Variants in SLIT1 observed in about 807,000 individuals in gnomAD.
The protein encoded by SLIT1 is slit guidance ligand 1, also known as slit homolog 1 protein.
Under a neutral mutation model 186.1 loss-of-function variants are expected in SLIT1, and 66 were observed. That is an observed-to-expected ratio of 0.35 (90% confidence interval 0.29 to 0.44). The LOEUF is 0.44. SLIT1 is among the 20% of genes least tolerant of loss of function. The pLI is 1.00. For missense variants in SLIT1, 1,638 were observed against 2,037.4 expected, an observed-to-expected ratio of 0.80 and a Z score of 3.77; for synonymous variants, 761 against 833.8, an observed-to-expected ratio of 0.91 and a Z score of 1.50.
chr10:97,006,749 G>A lies in SLIT1; in HGVS notation c.3342-29C>T, dbSNP rs1012852394. The A allele has an allele frequency of 6.3e-5, 95 of 1,506,966 alleles. No individual in the cohort carries two copies. Among genetic ancestry groups the A allele is most frequent in the Non-Finnish European group, 8.5e-5 (92 of 1,084,412 alleles). The allele number at this position is 1,506,966 out of a possible 1,614,324, so 93.3% of individuals were successfully genotyped here. A position where few individuals can be genotyped will look rare whatever the true frequency, so the allele number is the denominator to read the frequency against. On this transcript the variant is annotated intron_variant, in intron 31 of 36. Transcript: ENST00000266058. The surrounding 1 kb of genome is among the most constrained non-coding windows in gnomAD (Gnocchi z 4.0). Reference sequence around the variant, plus strand: ...AGAGGAAAGGACATAAGTCAGAGAGGGCCAAGGAGGAAGGGAGTATCTTCC... The same window carrying A: ...AGAGGAAAGGACATAAGTCAGAGAGAGCCAAGGAGGAAGGGAGTATCTTCC...
chr10:97,041,515 A>G (rs1363883839), intron 20 of SLIT1, among the ~76,000 whole-genome samples: 1 of 150,464 alleles, frequency 6.6e-6, no homozygotes, highest in African/African-American at 2.5e-5. Flanking sequence ...TCTGTTGCCC[A>G]GGCTGGAGTG....
chr10:97,011,043 C>G lies in SLIT1; in HGVS notation c.3291G>C (p.Gln1097His), dbSNP rs752026257. ...AGTAGCTGTTGACTTCATCCATACA[C>G]TGGGCCCCATTCTGGCAGCGGTGGT... ...CRDHRCQNGA[Q>H]CMDEVNSYSC... The change falls in exon 31 of 37, where the codon CAG becomes CAC. Residue 1097 changes from glutamine to histidine, a missense_variant. Physicochemically the swap from Gln to His is conservative, Grantham distance 24. This residue lies in a region of SLIT1 where 1,245 missense variants were observed against 1,535.3 expected (regional missense o/e 0.81). Coordinates refer to ENST00000266058, the MANE Select transcript of SLIT1 (RefSeq NM_003061.3). 1 of 1,614,128 alleles carries G rather than the reference C, an allele frequency of 6.2e-7. No homozygotes were observed. The highest frequency in any genetic ancestry group is 8.5e-7 in the Non-Finnish European group (1 of 1,179,974).
chr10:97,185,267 C>G (rs1234404533), intron 1 of SLIT1, among the ~76,000 whole-genome samples: 1 of 152,248 alleles, frequency 6.6e-6, no homozygotes, highest in African/African-American at 2.4e-5. Context: ...GCTGACAACC[C>G]CGCCGAGGGC....
In SLIT1 at chr10:97,043,533, G is replaced by A. The variant is rs1400966462; in HGVS notation, c.1854-20C>T. On this transcript the variant is annotated intron_variant, in intron 18 of 36. Coordinates refer to ENST00000266058, the MANE Select transcript of SLIT1 (RefSeq NM_003061.3). The surrounding 1 kb of genome is among the most constrained non-coding windows in gnomAD (Gnocchi z 7.0). ...AGCATTCTGGGGAGGAACGGGGGAG[G>A]GAGGAGGGGACCCTTGCTGCCCTGC... 6.2e-7 allele frequency: 1 copy of A among 1,609,026 alleles called. No homozygotes were observed. Among genetic ancestry groups the A allele is most frequent in the East Asian group, 2.2e-5 (1 of 44,864 alleles).
At chr10:97,069,346 T>A (rs1294879212) in intron 4 of SLIT1, among the ~76,000 whole-genome samples, 2 of 152,168 alleles carry the variant, frequency 1.3e-5, no homozygotes, top group African/African-American at 4.8e-5. Context: ...TAACCACAGG[T>A]GCATGGTCCA....
chr10:97,108,815 T>G (rs1426175419), intron 4 of SLIT1, among the ~76,000 whole-genome samples: 1 of 140,868 alleles, frequency 7.1e-6, no homozygotes, highest in African/African-American at 2.7e-5. Flanking sequence ...TTGAACCTGG[T>G]AGGCAGAGGT....
intron 7 of SLIT1, among the ~76,000 whole-genome samples, 176 bp downstream of exon 7, chr10:97,063,992 C>T (rs894047219): frequency 6.6e-5 from 10 of 152,120 alleles, no homozygotes; most frequent in African/African-American, 2.4e-5. Context: ...GCCCTGCAAC[C>T]GTATAACTCC....
At chr10:97,135,280 C>A (rs550475796) in intron 4 of SLIT1, among the ~76,000 whole-genome samples, 2 of 152,152 alleles carry the variant, frequency 1.3e-5, no homozygotes, top group Admixed American at 1.3e-4. Context: ...AACAGTTCGG[C>A]CATTTAACAT....
intron 1 of SLIT1, among the ~76,000 whole-genome samples, chr10:97,166,701 A>G (rs117393398): frequency 0.023 from 3,519 of 152,164 alleles, 65 homozygotes; most frequent in Non-Finnish European, 0.034. Context: ...AGCGAGCTTG[A>G]TCTGGGTTGC....
In SLIT1 at chr10:97,000,973, C is replaced by T; in HGVS notation, c.*139G>A. 1 of 667,914 alleles carries T rather than the reference C, an allele frequency of 1.5e-6. No homozygotes were observed. The highest frequency in any genetic ancestry group is 2.5e-6 in the Non-Finnish European group (1 of 394,902). The allele number at this position is 667,914 out of a possible 1,614,324, so 41.4% of individuals were successfully genotyped here. ...TGCTTTTAAAAGGCTGCTCTGGCAC[C>T]ACCCCACCCAGGAGGGCCCAGCTGC... On this transcript the variant is annotated 3_prime_UTR_variant, in exon 37 of 37. Coordinates refer to ENST00000266058, the MANE Select transcript of SLIT1 (RefSeq NM_003061.3).
intron 30 of SLIT1, among the ~76,000 whole-genome samples, chr10:97,012,461 G>A (rs947650794): frequency 1.3e-5 from 2 of 152,204 alleles, no homozygotes; most frequent in South Asian, 2.1e-4. Context: ...GAGAGAACAC[G>A]CACTCAACGC....
chr10:97,184,038 A>ACT lies in SLIT1; in HGVS notation c.197+1439_197+1440insAG, dbSNP rs1176386066. ...ATGCACCACACACACACACACACAC[A>ACT]CACACACACACACACACACACTTCC... On this transcript the variant is annotated intron_variant, in intron 1 of 36. Transcript: ENST00000266058. This position sits in a 1 kb window ranked among gnomAD's most constrained non-coding sequence, Gnocchi z 4.4. Among the ~76,000 whole-genome samples, 7 of 151,114 alleles carry ACT rather than the reference A, an allele frequency of 4.6e-5. No individual in the cohort carries two copies. Among genetic ancestry groups the ACT allele is most frequent in the African/African-American group, 1.7e-4 (7 of 41,046 alleles).
chr10:97,185,641 C>A lies in SLIT1; in HGVS notation c.34G>T (p.Gly12Trp). The change falls in exon 1 of 37, where the codon GGG (glycine) becomes TGG (tryptophan). Residue 12 changes from glycine (G) to tryptophan (W), a missense_variant. Around this residue, in one of 3 missense-constraint regions of SLIT1, gnomAD observed 1,245 missense variants for 1,535.3 expected, o/e 0.81. Coordinates refer to ENST00000266058, the MANE Select transcript of SLIT1 (RefSeq NM_003061.3). ...ALTPGWGSSA[G>W]PVRPELWLLL... is the part of the protein sequence containing the mutation. ...AGCCAGAGCTCCGGCCGGACCGGCC[C>A]CGCCGAGGACCCCCACCCGGGAGTC... 6.5e-7 allele frequency: 1 copy of A among 1,544,312 alleles called. No homozygotes were observed. Among genetic ancestry groups the A allele is most frequent in the South Asian group, 1.2e-5 (1 of 84,624 alleles).
At chr10:97,101,410 T>G (rs1849352476) in intron 4 of SLIT1, 1 of 152,204 alleles carries the variant, frequency 6.6e-6, no homozygotes, top group South Asian at 2.1e-4. Context: ...GAACCCCTAG[T>G]GGCGGAGTGC....
chr10:97,132,956 C>T (rs1849668179), intron 4 of SLIT1, among the ~76,000 whole-genome samples: 1 of 152,152 alleles, frequency 6.6e-6, no homozygotes, highest in African/African-American at 2.4e-5. Context: ...TCACTGGCGG[C>T]CCCACGTCCA....
chr10:97,006,845 C>T lies in SLIT1; in HGVS notation c.3342-125G>A. The T allele has an allele frequency of 1.5e-6, 1 of 681,532 alleles. No individual in the cohort carries two copies. The highest frequency in any genetic ancestry group is 1.8e-5 in the South Asian group (1 of 54,148). The allele number at this position is 681,532 out of a possible 1,614,324, so 42.2% of individuals were successfully genotyped here. ...TGGATTCTTAAAGCGACAGAAGATGCTCCTAATAAACACTTTTCATGAGAG... is the reference window on the plus strand; with the variant it reads ...TGGATTCTTAAAGCGACAGAAGATGTTCCTAATAAACACTTTTCATGAGAG... On this transcript the variant is annotated intron_variant, in intron 31 of 36. Coordinates refer to ENST00000266058, the MANE Select transcript of SLIT1 (RefSeq NM_003061.3). The surrounding 1 kb of genome is among the most constrained non-coding windows in gnomAD (Gnocchi z 4.0).
chr10:97,070,321 G>A (rs1042130472), intron 4 of SLIT1, among the ~76,000 whole-genome samples: 1 of 152,218 alleles, frequency 6.6e-6, no homozygotes, highest in Non-Finnish European at 1.5e-5. Flanking sequence ...AGGAAGGGAG[G>A]GGCATGCTTA....
chr10:97,177,299 A>G (rs1285165288), intron 1 of SLIT1, among the ~76,000 whole-genome samples: 3 of 152,194 alleles, frequency 2.0e-5, no homozygotes. Flanking sequence ...AGCCAAATCC[A>G]CAGCTTCTCC....
rs564161013 is a variant in SLIT1 at position 97,164,139 on chromosome 10, C to T, written c.269+680G>A. ...CCAGAGCATCCGGCTGGTGGGGCAGCATTTTTCACCAACAGATTGACTGTT... is the reference window on the plus strand; with the variant it reads ...CCAGAGCATCCGGCTGGTGGGGCAGTATTTTTCACCAACAGATTGACTGTT... On this transcript the variant is annotated intron_variant, in intron 2 of 36. Coordinates refer to ENST00000266058, the MANE Select transcript of SLIT1 (RefSeq NM_003061.3). 5.8e-4 allele frequency among the ~76,000 whole-genome samples: 88 copies of T among 152,340 alleles called. 1 individual carries two copies. Among genetic ancestry groups the T allele is most frequent in the Non-Finnish European group, 1.8e-4 (12 of 68,028 alleles).
Sources: gnomAD v4.1 joint callset for allele counts (sites outside exome capture counted in the v4.1 genomes callset) on GRCh38, gnomAD v4.1.1 for gene constraint, gnomAD v4.1.1 regional missense constraint, Gnocchi (gnomAD v3.1) non-coding constraint, MANE v1.5 for transcripts, NCBI Gene and HGNC (gene_info 2026-07-23, HGNC 2026-07-21) for gene names.